MET: variants seen among roughly 807,000 people sequenced by gnomAD.
The protein encoded by MET is MET proto-oncogene, receptor tyrosine kinase.
A neutral mutation model predicts 133.1 loss-of-function variants in MET; 48 were observed. The observed-to-expected ratio is 0.36, with a 90% CI of 0.29 to 0.46. MET has a LOEUF of 0.46. MET is among the 20% of genes least tolerant of loss of function. The pLI, the probability that MET is intolerant of heterozygous loss-of-function variation, is 1.00. For synonymous variants in MET, 628 were observed against 616.5 expected (o/e 1.02, Z -0.28); for missense variants, 1,442 against 1,695.9 (o/e 0.85, Z 2.63).
intron 19 of MET, among the ~76,000 whole-genome samples, chr7:116,787,481 G>T (rs1795352251): frequency 6.6e-6 from 1 of 152,222 alleles, no homozygotes; most frequent in Non-Finnish European, 1.5e-5. Context: ...TGTGCTGAAG[G>T]TCTTCTTGCT....
intron 14 of MET, among the ~76,000 whole-genome samples, chr7:116,773,786 T>A (rs1794906957): frequency 6.6e-6 from 1 of 152,200 alleles, no homozygotes; most frequent in Admixed American, 6.5e-5. Flanking sequence ...TTTGGCCAAG[T>A]TCATTTATTA....
At chr7:116,753,829 A>G (rs1794022264) in intron 5 of MET, among the ~76,000 whole-genome samples, 1 of 152,224 alleles carries the variant, frequency 6.6e-6, no homozygotes, top group Admixed American at 6.5e-5. Context: ...GAACAAGGAA[A>G]AATCTTCAGT....
At chr7:116,792,308 C>T (rs939678861) in intron 19 of MET, among the ~76,000 whole-genome samples, 4 of 152,090 alleles carry the variant, frequency 2.6e-5, no homozygotes, top group African/African-American at 9.7e-5. Flanking sequence ...ATTGCTGGTG[C>T]TCAAATGCTC....
intron 19 of MET, among the ~76,000 whole-genome samples, chr7:116,785,864 C>T (rs761218900): frequency 3.3e-5 from 5 of 152,178 alleles, no homozygotes; most frequent in Non-Finnish European, 7.4e-5. Flanking sequence ...AGCACAGAAG[C>T]AAAAGCTGGA....
chr7:116,758,790 A>C (rs1217887756), intron 9 of MET, among the ~76,000 whole-genome samples, 170 bp downstream of exon 9: 1 of 152,230 alleles, frequency 6.6e-6, no homozygotes, highest in Non-Finnish European at 1.5e-5. Context: ...TTCTGAGTGT[A>C]GTTTGACTTA....
At chr7:116,724,977 A>G in intron 2 of MET, 1 of 740,868 alleles carries the variant, frequency 1.3e-6, no homozygotes, top group Admixed American at 3.4e-5. Context: ...TGCTAAGGTC[A>G]TGCAACTCAT....
At chr7:116,728,943 G>T (rs1792892674) in intron 2 of MET, among the ~76,000 whole-genome samples, 1 of 152,110 alleles carries the variant, frequency 6.6e-6, no homozygotes, top group Non-Finnish European at 1.5e-5. Context: ...ACTAACAAAA[G>T]AAGAAACAAG....
rs766136369 is a variant in MET, at chr7:116,774,942, C to T, written c.3090C>T (p.Asp1030=). 4 of 1,614,194 alleles carry T rather than the reference C, an allele frequency of 2.5e-6. No individual in the cohort carries two copies. Among genetic ancestry groups the T allele is most frequent in the Non-Finnish European group, 3.4e-6 (4 of 1,180,004 alleles). Residue 1030 remains aspartate, a synonymous_variant, in exon 15 of 21, where the codon GAC becomes GAT. Transcript: ENST00000397752. ...GACAAGTGCAGTATCCTCTGACAGA[C>T]ATGTCCCCCATCCTAACTAGTGGGG... is the stretch of plus-strand genomic sequence containing the variant. ...SCRQVQYPLT[D]MSPILTSGDS...
At chr7:116,784,078 C>T (rs1045419307) in intron 19 of MET, among the ~76,000 whole-genome samples, 7 of 152,130 alleles carry the variant, frequency 4.6e-5, no homozygotes, top group Non-Finnish European at 7.4e-5. Context: ...GGTTAAAGGA[C>T]AGCAGGTTTG....
chr7:116,696,521 T>A (rs916462837), intron 1 of MET, among the ~76,000 whole-genome samples: 2 of 152,234 alleles, frequency 1.3e-5, no homozygotes, highest in African/African-American at 4.8e-5. Context: ...GGGTTCCATG[T>A]GGACCAACGT....
intron 5 of MET, among the ~76,000 whole-genome samples, chr7:116,747,424 G>A (rs569759238): frequency 4.3e-4 from 66 of 152,254 alleles, no homozygotes; most frequent in Admixed American, 1.2e-3. Flanking sequence ...ATAAAGGGGC[G>A]GAGGAAGATT....
chr7:116,698,064 T>C (rs1797030529), intron 1 of MET, among the ~76,000 whole-genome samples: 1 of 152,182 alleles, frequency 6.6e-6, no homozygotes, highest in African/African-American at 2.4e-5. Context: ...CCCTTTGTCC[T>C]ATCAGAATTA....
At position 116,731,661 on chromosome 7, in the gene MET, A is replaced by T. The variant is rs201724557; in HGVS notation, c.1201-7A>T. 1.2e-6 allele frequency: 2 copies of T among 1,614,052 alleles called. No homozygotes were observed. Among genetic ancestry groups the T allele is most frequent in the Non-Finnish European group, 1.7e-6 (2 of 1,179,920 alleles). Reference sequence around the variant, plus strand: ...CACATTAACTCTATGACCATATTTTATTCCAGACACTTCTGAGAAATTCAT... The same window carrying T: ...CACATTAACTCTATGACCATATTTTTTTCCAGACACTTCTGAGAAATTCAT... On this transcript the variant is annotated splice_polypyrimidine_tract_variant and splice_region_variant and intron_variant, in intron 2 of 20. Coordinates refer to ENST00000397752, the MANE Select transcript of MET (RefSeq NM_000245.4).
intron 2 of MET, among the ~76,000 whole-genome samples, chr7:116,717,990 A>T (rs38855): frequency 6.6e-6 from 1 of 152,052 alleles, no homozygotes; most frequent in South Asian, 2.1e-4. Context: ...TTGATGTATC[A>T]CATCAAGGCT....
intron 1 of MET, among the ~76,000 whole-genome samples, chr7:116,690,019 G>C (rs906245346): frequency 2.0e-5 from 3 of 152,088 alleles, no homozygotes; most frequent in African/African-American, 2.4e-5. Flanking sequence ...GATGGCTAAA[G>C]GGTGGGAAAA....
At chr7:116,753,287 T>C (rs1793999944) in intron 5 of MET, among the ~76,000 whole-genome samples, 1 of 152,246 alleles carries the variant, frequency 6.6e-6, no homozygotes, top group Admixed American at 6.5e-5. Flanking sequence ...TACTGGTTCT[T>C]GAGTTGCCTC....
At chr7:116,754,949 A>AAGAAAG (rs1339542490) in intron 5 of MET, among the ~76,000 whole-genome samples, 4 of 129,288 alleles carry the variant, frequency 3.1e-5, no homozygotes, top group African/African-American at 1.1e-4. Context: ...GAAAGAAAGA[A>AAGAAAG]AGAGAAAGAA....
chr7:116,736,022 C>A (rs543948763), intron 3 of MET, among the ~76,000 whole-genome samples: 2 of 152,048 alleles, frequency 1.3e-5, no homozygotes, highest in African/African-American at 4.8e-5. Flanking sequence ...AAGTGATCTG[C>A]CCGCCTTGGC....
intron 1 of MET, among the ~76,000 whole-genome samples, chr7:116,689,565 T>C (rs1338601605): frequency 5.9e-5 from 5 of 85,250 alleles, no homozygotes; most frequent in African/African-American, 8.1e-5. Flanking sequence ...TACTCTTTTT[T>C]TTTTTTTTTT....
Sources: allele counts gnomAD v4.1 joint callset (sites outside exome capture counted in the v4.1 genomes callset), GRCh38; gene constraint gnomAD v4.1.1; transcripts MANE v1.5; gene names NCBI Gene and HGNC (gene_info 2026-07-23, HGNC 2026-07-21).